The following HELLS variants were observed in gnomAD, a reference collection of about 807,000 sequenced individuals.
HELLS encodes helicase, lymphoid specific.
A neutral mutation model predicts 120.0 loss-of-function variants in HELLS; 32 were observed. The ratio of observed to expected loss-of-function variants is 0.27; its 90% CI spans 0.20 to 0.36. The LOEUF is 0.36. Among genes scored for constraint, HELLS ranks in the 10% least tolerant of loss-of-function variants. The pLI is 1.00. For missense variants in HELLS, 650 were observed against 993.4 expected (o/e 0.65, Z 4.65); for synonymous variants, 341 against 323.4 (o/e 1.05, Z -0.58).
downstream of HELLS, among the ~76,000 whole-genome samples, chr10:94,606,865 G>A (rs1259634549): frequency 6.6e-6 from 1 of 152,192 alleles, no homozygotes; most frequent in East Asian, 1.9e-4. Context: ...TTACTCCAGT[G>A]TGATTTCACT....
At chr10:94,597,207 A>G in intron 21 of HELLS, 96 bp downstream of exon 21, 1 of 649,652 alleles carries the variant, frequency 1.5e-6, no homozygotes, top group Non-Finnish European at 2.7e-6. Context: ...AGCCACATGT[A>G]TCCAATCTTG....
chr10:94,600,748 A>G (rs1845995548), intron 21 of HELLS, among the ~76,000 whole-genome samples: 1 of 152,204 alleles, frequency 6.6e-6, no homozygotes, highest in Non-Finnish European at 1.5e-5. Flanking sequence ...ACAAGAAAAT[A>G]TATTTATGAT....
intron 21 of HELLS, among the ~76,000 whole-genome samples, chr10:94,599,558 TG>T (rs1845926656): frequency 6.6e-6 from 1 of 152,154 alleles, no homozygotes; most frequent in African/African-American, 2.4e-5. Flanking sequence ...GGGTTTGCCA[TG>T]TTGCTCAAGC....
At chr10:94,558,349 G>T (rs894151271) in intron 4 of HELLS, among the ~76,000 whole-genome samples, 154 bp downstream of exon 4, 2 of 152,116 alleles carry the variant, frequency 1.3e-5, no homozygotes, top group Non-Finnish European at 2.9e-5. Flanking sequence ...TGTAAAATCT[G>T]TTCCTCACTA....
intron 6 of HELLS, 78 bp downstream of exon 6, chr10:94,562,954 A>C: frequency 1.2e-6 from 1 of 813,450 alleles, no homozygotes; most frequent in Non-Finnish European, 2.0e-6. Context: ...AAATCTGTAA[A>C]GATTGAATAT....
At chr10:94,559,296 C>T (rs1843430209) in intron 4 of HELLS, among the ~76,000 whole-genome samples, 1 of 151,932 alleles carries the variant, frequency 6.6e-6, no homozygotes, top group Non-Finnish European at 1.5e-5. Flanking sequence ...TAAAATGGCC[C>T]CCAACTATTG....
chr10:94,611,237 TTATTCC>T (rs1325831575), exon 10 of HELLS: 25 of 152,298 alleles, frequency 1.6e-4, no homozygotes, highest in African/African-American at 4.6e-4. Context: ...GAAGTAATAG[TTATTCC>T]TATCTCAAGG....
intron 3 of HELLS, 92 bp from the exon 4 acceptor site, chr10:94,558,047 A>T: frequency 6.9e-7 from 1 of 1,455,254 alleles, no homozygotes; most frequent in Non-Finnish European, 9.1e-7. Context: ...TTAGTTTCTC[A>T]TTGTAAACAT....
intron 3 of HELLS, 57 bp from the exon 4 acceptor site, chr10:94,558,081 GT>G (rs200645462): frequency 6.3e-4 from 879 of 1,403,724 alleles, no homozygotes; most frequent in Admixed American, 1.7e-3. Context: ...ATTGATATGC[GT>G]TTTTTTTTTA....
chr10:94,564,842 G>A (rs147108292), intron 6 of HELLS, among the ~76,000 whole-genome samples: 2 of 151,836 alleles, frequency 1.3e-5, no homozygotes, highest in Admixed American at 6.6e-5. Context: ...TGATCCTCAC[G>A]CCTTTATCTC....
Position 94,601,510 on chromosome 10 carries a change from T to G in HELLS, c.2423-18T>G. The G allele has an allele frequency of 8.0e-7, 1 of 1,243,760 alleles. No individual in the cohort carries two copies. Among genetic ancestry groups the G allele is most frequent in the East Asian group, 2.3e-5 (1 of 42,764 alleles). The allele number at this position is 1,243,760 out of a possible 1,614,324, so 77.0% of individuals were successfully genotyped here. ...CTTATACTTCTAAAATGTACCTGTTTTAATGTTTTTCCCTTAGATCAAATG... is the reference window on the plus strand; with the variant it reads ...CTTATACTTCTAAAATGTACCTGTTGTAATGTTTTTCCCTTAGATCAAATG... On this transcript the variant is annotated intron_variant, in intron 21 of 21. Coordinates refer to ENST00000348459, the MANE Select transcript of HELLS (RefSeq NM_018063.5).
intron 4 of HELLS, among the ~76,000 whole-genome samples, chr10:94,561,973 G>A (rs1358640160): frequency 6.6e-6 from 1 of 150,652 alleles, no homozygotes; most frequent in Non-Finnish European, 1.5e-5. Flanking sequence ...AGTAGAGACA[G>A]GGTTTCACCA....
At chr10:94,549,840 C>T (rs1842897876) in intron 2 of HELLS, among the ~76,000 whole-genome samples, 1 of 152,074 alleles carries the variant, frequency 6.6e-6, no homozygotes, top group African/African-American at 2.4e-5. Flanking sequence ...AAGGATTAAC[C>T]ACTTACATGG....
chr10:94,583,860 A>G lies in HELLS; in HGVS notation c.1326+801A>G, dbSNP rs112286673. ...GTTTTTAATAGCTGCTTATTATCCCATTGTCTTGTTCTACTATAATTAATA... is the reference window on the plus strand; with the variant it reads ...GTTTTTAATAGCTGCTTATTATCCCGTTGTCTTGTTCTACTATAATTAATA... On this transcript the variant is annotated intron_variant, in intron 12 of 21. Transcript: ENST00000348459. 1.5e-3 allele frequency: 574 copies of G among 395,538 alleles called. 1 individual carries two copies. Among genetic ancestry groups the G allele is most frequent in the African/African-American group, 0.011 (532 of 48,648 alleles). 24.5% of individuals were successfully genotyped at this position (395,538 alleles called of 1,614,324 possible).
intron 6 of HELLS, among the ~76,000 whole-genome samples, chr10:94,565,075 G>A (rs768664869): frequency 7.2e-5 from 11 of 152,178 alleles, no homozygotes; most frequent in Non-Finnish European, 1.5e-4. Context: ...AGTGGCTCAC[G>A]CCTGTAATCC....
chr10:94,609,016 T>C (rs1846159474), intron 9 of HELLS, among the ~76,000 whole-genome samples: 1 of 83,724 alleles, frequency 1.2e-5, no homozygotes. Context: ...CACCTCTTTT[T>C]TTTTTTTTTT....
At position 94,562,819 on chromosome 10, in the gene HELLS, GA is replaced by G. The variant is rs757191914; in HGVS notation, c.385del (p.Arg129GlufsTer54). Reference sequence around the variant, plus strand: ...TAAAATTTTTTTTTATAGTTATGAGGAAAAAAAGAGGAAGAGAAGATGAATC... The same window carrying G: ...TAAAATTTTTTTTTATAGTTATGAGGAAAAAAGAGGAAGAGAAGATGAATC... ...DASEEKPVMR[K>X]KRGREDESYN... On this transcript the variant is annotated frameshift_variant, in exon 6 of 22. Coordinates refer to ENST00000348459, the MANE Select transcript of HELLS (RefSeq NM_018063.5). LOFTEE classifies it high-confidence loss of function. 5 of 1,562,154 alleles carry G rather than the reference GA, an allele frequency of 3.2e-6. No individual in the cohort carries two copies. The highest frequency in any genetic ancestry group is 1.2e-5 in the South Asian group (1 of 85,280).
intron 7 of HELLS, among the ~76,000 whole-genome samples, chr10:94,572,537 A>G (rs985923306): frequency 3.7e-4 from 57 of 152,160 alleles, no homozygotes; most frequent in African/African-American, 1.3e-3. Context: ...ATTGACTAGT[A>G]TTCTGTTGAA....
rs764969914 is a variant in HELLS, at chr10:94,594,686, A to T, written c.2089-9A>T. Reference sequence around the variant, plus strand: ...ACCGTTAAATATTATTTTTCTTTTTAACTTTAAGAACCCCCAGTCGGATCT... The same window carrying T: ...ACCGTTAAATATTATTTTTCTTTTTTACTTTAAGAACCCCCAGTCGGATCT... On this transcript the variant is annotated splice_polypyrimidine_tract_variant and intron_variant, in intron 18 of 21. Coordinates refer to ENST00000348459, the MANE Select transcript of HELLS (RefSeq NM_018063.5). The T allele has an allele frequency of 1.3e-6, 2 of 1,582,120 alleles. No homozygotes were observed. The highest frequency in any genetic ancestry group is 2.7e-5 in the African/African-American group (2 of 72,912).
Sources: allele counts gnomAD v4.1 joint callset (sites outside exome capture counted in the v4.1 genomes callset), GRCh38; gene constraint gnomAD v4.1.1; transcripts MANE v1.5; gene names NCBI Gene and HGNC (gene_info 2026-07-23, HGNC 2026-07-21).